Variants in CCDC172 observed in about 807,000 individuals in gnomAD.
CCDC172 encodes the protein coiled-coil domain-containing protein 172.
Under a neutral mutation model 38.0 loss-of-function variants are expected in CCDC172, and 30 were observed. The observed-to-expected ratio is 0.79, with a 90% CI of 0.59 to 1.07. CCDC172 has a LOEUF of 1.07. CCDC172 is among the 50% of genes least tolerant of loss of function. The pLI is 0.00. For synonymous variants in CCDC172, 78 were observed against 88.3 expected (o/e 0.88, Z 0.66); for missense variants, 297 against 290.1 (o/e 1.02, Z -0.17).
At chr10:116,353,652 G>A (rs1844959799) in intron 5 of CCDC172, among the ~76,000 whole-genome samples, 1 of 152,194 alleles carries the variant, frequency 6.6e-6, no homozygotes, top group Non-Finnish European at 1.5e-5. Context: ...GAGAAAGACA[G>A]TGGTATTGAT....
At chr10:116,329,837 C>T (rs371602661) in intron 3 of CCDC172, among the ~76,000 whole-genome samples, 9 of 152,122 alleles carry the variant, frequency 5.9e-5, no homozygotes, top group African/African-American at 1.9e-4. Flanking sequence ...AAACAAAAAC[C>T]GCTAGTTTTA....
At chr10:116,339,678 A>G (rs1844770114) in intron 3 of CCDC172, among the ~76,000 whole-genome samples, 1 of 151,968 alleles carries the variant, frequency 6.6e-6, no homozygotes, top group Non-Finnish European at 1.5e-5. Flanking sequence ...ATATAAATGT[A>G]AGATCATATT....
chr10:116,369,354 G>A (rs540140665), intron 7 of CCDC172, among the ~76,000 whole-genome samples: 1 of 152,102 alleles, frequency 6.6e-6, no homozygotes, highest in East Asian at 1.9e-4. Flanking sequence ...ACTCACTGCT[G>A]TAGGTTACTG....
intron 3 of CCDC172, among the ~76,000 whole-genome samples, chr10:116,333,184 A>G (rs1166086329): frequency 1.3e-5 from 2 of 152,024 alleles, no homozygotes; most frequent in Admixed American, 6.6e-5. Context: ...TTCTGTTAAC[A>G]GTATTTTTCA....
chr10:116,354,335 T>C (rs1027942257), intron 5 of CCDC172, among the ~76,000 whole-genome samples: 1 of 152,156 alleles, frequency 6.6e-6, no homozygotes, highest in African/African-American at 2.4e-5. Flanking sequence ...TCCTCCTACT[T>C]ATTAAAAAAA....
At chr10:116,357,506 T>G (rs1845013773) in intron 6 of CCDC172, 25 bp downstream of exon 6, 3 of 1,479,360 alleles carry the variant, frequency 2.0e-6, no homozygotes, top group Non-Finnish European at 2.7e-6. Context: ...AGTTAGCTTA[T>G]TTTGCTGATA....
In CCDC172 at chr10:116,342,066, G is replaced by A. The variant is rs750987400; in HGVS notation, c.313G>A (p.Glu105Lys). The change falls in exon 5 of 9, where the codon GAA becomes AAA. Residue 105 changes from glutamate (E) to lysine (K), a missense_variant. Coordinates refer to ENST00000333254, the MANE Select transcript of CCDC172 (RefSeq NM_198515.3). Reference sequence around the variant, plus strand: ...TATAAAGAAACAAATGATAGAGGAGGAAGACAAATTTATTAAGGAAATTAC... The same window carrying A: ...TATAAAGAAACAAATGATAGAGGAGAAAGACAAATTTATTAAGGAAATTAC... ...EAIKKQMIEE[E>K]DKFIKEITDF... 4.6e-6 allele frequency: 7 copies of A among 1,528,250 alleles called. No homozygotes were observed. The South Asian group carries it at 8.8e-5, about 19-fold the overall frequency. 94.7% of individuals were successfully genotyped at this position (1,528,250 alleles called of 1,614,324 possible).
At chr10:116,366,903 C>T (rs1041435188) in intron 7 of CCDC172, among the ~76,000 whole-genome samples, 8 of 152,160 alleles carry the variant, frequency 5.3e-5, no homozygotes, top group African/African-American at 1.9e-4. Context: ...CTTGTCCTGA[C>T]TACGTATATG....
chr10:116,342,411 T>G, intron 5 of CCDC172: 1 of 392,914 alleles, frequency 2.5e-6, no homozygotes, highest in Non-Finnish European at 4.5e-6. Flanking sequence ...ATTTGGTCAT[T>G]CATTTAATAA....
chr10:116,347,465 A>T (rs1844881420), intron 5 of CCDC172, among the ~76,000 whole-genome samples: 1 of 152,174 alleles, frequency 6.6e-6, no homozygotes, highest in Non-Finnish European at 1.5e-5. Flanking sequence ...AAGAGCAGAA[A>T]TGGGATATCT....
rs1220953731 is a variant in CCDC172 at position 116,379,695 on chromosome 10, T to C, written c.*337T>C. On this transcript the variant is annotated 3_prime_UTR_variant, in exon 9 of 9. Transcript: ENST00000333254. The stretch of plus-strand genomic sequence containing the variant: ...ATCTATATAATATGGTTTGGATCTG[T>C]GTCCATGCCCAAATCTCATGTTGAA... The C allele has an allele frequency of 5.8e-6, 1 of 173,184 alleles. No homozygotes were observed. The highest frequency in any genetic ancestry group is 1.2e-5 in the Non-Finnish European group (1 of 82,218). The allele number at this position is 173,184 out of a possible 1,614,324, so 10.7% of individuals were successfully genotyped here. A position where few individuals can be genotyped will look rare whatever the true frequency, so the allele number is the denominator to read the frequency against.
chr10:116,363,000 T>C (rs918309131), intron 7 of CCDC172, among the ~76,000 whole-genome samples: 1 of 152,240 alleles, frequency 6.6e-6, no homozygotes, highest in Non-Finnish European at 1.5e-5. Context: ...AAAAGTTATA[T>C]TCTGATATAA....
At chr10:116,327,808 G>A (rs1844609639) in intron 3 of CCDC172, among the ~76,000 whole-genome samples, 1 of 151,942 alleles carries the variant, frequency 6.6e-6, no homozygotes, top group Non-Finnish European at 1.5e-5. Flanking sequence ...TTTTAAAAGT[G>A]GAATCACAAT....
rs139734367 is a variant in CCDC172 at position 116,367,157 on chromosome 10, T to C, written c.653+9219T>C. 7.9e-3 allele frequency among the ~76,000 whole-genome samples: 1,198 copies of C among 152,292 alleles called. 13 individuals are homozygous for C. Among genetic ancestry groups the C allele is most frequent in the Non-Finnish European group, 0.012 (825 of 68,012 alleles). ...AGTTGAAGAGTTCCTACTTTTGCTGTGGTTGAAATTTTTAATCATTTTTTA... is the reference window on the plus strand; with the variant it reads ...AGTTGAAGAGTTCCTACTTTTGCTGCGGTTGAAATTTTTAATCATTTTTTA... On this transcript the variant is annotated intron_variant, in intron 7 of 8. Transcript: ENST00000333254.
intron 5 of CCDC172, among the ~76,000 whole-genome samples, chr10:116,344,389 A>T (rs1333939032): frequency 6.6e-6 from 1 of 152,210 alleles, no homozygotes; most frequent in Non-Finnish European, 1.5e-5. Flanking sequence ...TATACTGAAG[A>T]CTGTAGGCAG....
intron 7 of CCDC172, among the ~76,000 whole-genome samples, chr10:116,363,947 AAAT>A (rs1565722287): frequency 3.0e-5 from 4 of 134,150 alleles, no homozygotes; most frequent in African/African-American, 1.1e-4. Context: ...AAAAAAAAAA[AAAT>A]AATAATAATA....
intron 3 of CCDC172, among the ~76,000 whole-genome samples, chr10:116,336,093 C>T (rs529012656): frequency 6.6e-5 from 10 of 151,740 alleles, no homozygotes; most frequent in East Asian, 1.9e-4. Flanking sequence ...CTTGAATCCG[C>T]GAGGCGGAGG....
intron 1 of CCDC172, 116 bp downstream of exon 1, chr10:116,324,729 G>A: frequency 2.4e-6 from 1 of 417,242 alleles, no homozygotes; most frequent in South Asian, 3.4e-5. Flanking sequence ...GCCCTCTTAG[G>A]GCGTGAGGGA....
rs191042472 is a variant in CCDC172, at chr10:116,337,289, G to A, written c.166-3445G>A. Reference sequence around the variant, plus strand: ...CTGCCTTAGCCTCCTGAGTAGCTGGGATTACGGGTGCCCCCACCACACCTG... The same window carrying A: ...CTGCCTTAGCCTCCTGAGTAGCTGGAATTACGGGTGCCCCCACCACACCTG... On this transcript the variant is annotated intron_variant, in intron 3 of 8. Coordinates refer to ENST00000333254, the MANE Select transcript of CCDC172 (RefSeq NM_198515.3). Among the ~76,000 whole-genome samples, 337 of 152,076 alleles carry A rather than the reference G, an allele frequency of 2.2e-3. 1 individual carries two copies. The highest frequency in any genetic ancestry group is 7.9e-3 in the African/African-American group (327 of 41,496).
Sources: gnomAD v4.1 joint callset for allele counts (sites outside exome capture counted in the v4.1 genomes callset) on GRCh38, gnomAD v4.1.1 for gene constraint, MANE v1.5 for transcripts, NCBI Gene and HGNC (gene_info 2026-07-23, HGNC 2026-07-21) for gene names.